RELN: variants seen among roughly 807,000 people sequenced by gnomAD.
The protein encoded by RELN is reelin.
RELN carries 108 observed loss-of-function variants against 427.6 expected under a neutral mutation model. The observed-to-expected ratio is 0.25, with a 90% CI of 0.22 to 0.30. The LOEUF (loss-of-function observed/expected upper bound fraction) is 0.30. Among genes scored for constraint, RELN ranks in the 10% least tolerant of loss-of-function variants. The pLI is 1.00. For synonymous variants in RELN, 1,524 were observed against 1,513.4 expected, an observed-to-expected ratio of 1.01 and a Z score of -0.16; for missense variants, 3,715 against 4,302.8, an observed-to-expected ratio of 0.86 and a Z score of 3.82.
intron 28 of RELN, among the ~76,000 whole-genome samples, chr7:103,584,262 C>A (rs1271913800): frequency 6.6e-6 from 1 of 152,194 alleles, no homozygotes; most frequent in Non-Finnish European, 1.5e-5. Flanking sequence ...TAGGAAGGTA[C>A]AGACTGGCAG....
At chr7:103,772,392 A>G (rs1791591848) in intron 4 of RELN, among the ~76,000 whole-genome samples, 2 of 152,236 alleles carry the variant, frequency 1.3e-5, no homozygotes, top group Admixed American at 1.3e-4. Flanking sequence ...CCTCATCTTC[A>G]AAGTGTAGAT....
At chr7:103,732,078 A>G (rs886605201) in intron 6 of RELN, among the ~76,000 whole-genome samples, 2 of 152,108 alleles carry the variant, frequency 1.3e-5, no homozygotes, top group Non-Finnish European at 2.9e-5. Context: ...AGGGCTTGGA[A>G]ACTGCCTGCT....
intron 11 of RELN, among the ~76,000 whole-genome samples, chr7:103,674,721 C>G (rs549596728): frequency 2.0e-5 from 3 of 152,216 alleles, no homozygotes; most frequent in East Asian, 1.9e-4. Flanking sequence ...GGGATGCAAG[C>G]CTGGTTCAAC....
rs542165233 is a variant in RELN at position 103,867,797 on chromosome 7, A to T, written c.338-34125T>A. ...GGATATACTCTTTATTTCATTTTAC[A>T]GAATAGTAAGAGAGAAAAAAAATGA... is the stretch of plus-strand genomic sequence containing the variant. On this transcript the variant is annotated intron_variant, in intron 2 of 64. Coordinates refer to ENST00000428762, the MANE Select transcript of RELN (RefSeq NM_005045.4). Among the ~76,000 whole-genome samples the T allele has an allele frequency of 3.3e-5, 5 of 152,158 alleles. No individual in the cohort carries two copies. In the South Asian group the frequency reaches 1.0e-3, roughly 32 times the overall value.
intron 11 of RELN, among the ~76,000 whole-genome samples, chr7:103,679,808 T>G (rs1205767006): frequency 2.0e-5 from 3 of 152,188 alleles, no homozygotes; most frequent in Non-Finnish European, 2.9e-5. Context: ...GAATATATAA[T>G]TTTTGCCAGC....
At chr7:103,877,993 T>C (rs71558657) in intron 2 of RELN, among the ~76,000 whole-genome samples, 22,157 of 151,912 alleles carry the variant, frequency 0.15, 1,891 homozygotes, top group East Asian at 0.34. Flanking sequence ...ATGGCTGGGA[T>C]TACAGGCATG....
At chr7:103,478,586 A>T in intron 63 of RELN, 192 bp from the exon 64 acceptor site, 1 of 601,084 alleles carries the variant, frequency 1.7e-6, no homozygotes, top group Non-Finnish European at 3.0e-6. Context: ...ATCTACATAT[A>T]CTTTTCTATG....
intron 4 of RELN, among the ~76,000 whole-genome samples, chr7:103,760,396 T>A (rs1343639087): frequency 3.3e-5 from 5 of 152,170 alleles, no homozygotes; most frequent in Non-Finnish European, 7.4e-5. Flanking sequence ...CCCCAAAGGT[T>A]ATTTTCTTGA....
intron 1 of RELN, among the ~76,000 whole-genome samples, chr7:103,972,189 G>A (rs554255134): frequency 1.3e-5 from 2 of 152,340 alleles, no homozygotes; most frequent in Admixed American, 6.5e-5. Context: ...TCCATATACT[G>A]TAATACTAAA....
In RELN at chr7:103,522,267, T is replaced by G. The variant is rs949663931; in HGVS notation, c.7491-68A>C. 4.1e-6 allele frequency: 6 copies of G among 1,454,296 alleles called. No homozygotes were observed. The African/African-American group carries it at 7.0e-5, about 17-fold the overall frequency. The allele number at this position is 1,454,296 out of a possible 1,614,324, so 90.1% of individuals were successfully genotyped here. ...AGCCCCTGCAAGCTTGTTCTCAAAT[T>G]AGTGAAGACTACTCTTTTCCTAGTC... On this transcript the variant is annotated intron_variant, in intron 47 of 64. Coordinates refer to ENST00000428762, the MANE Select transcript of RELN (RefSeq NM_005045.4).
intron 50 of RELN, 146 bp from the exon 51 acceptor site, chr7:103,511,151 C>T: frequency 1.5e-6 from 1 of 675,326 alleles, no homozygotes. Flanking sequence ...AATATAAATA[C>T]ATTGTTTCAG....
intron 8 of RELN, among the ~76,000 whole-genome samples, chr7:103,705,778 C>T (rs1284981378): frequency 6.6e-6 from 1 of 152,296 alleles, no homozygotes; most frequent in Admixed American, 6.5e-5. Context: ...AAGTCACTTA[C>T]GCTTTCTGTG....
chr7:103,681,263 G>A (rs1040260995), intron 11 of RELN, among the ~76,000 whole-genome samples: 2 of 152,116 alleles, frequency 1.3e-5, no homozygotes, highest in Admixed American at 1.3e-4. Flanking sequence ...CAGGGACTTC[G>A]AAGTTTAATC....
At chr7:103,810,585 C>T (rs1792715946) in intron 3 of RELN, among the ~76,000 whole-genome samples, 1 of 152,132 alleles carries the variant, frequency 6.6e-6, no homozygotes, top group Non-Finnish European at 1.5e-5. Flanking sequence ...ACAAGGCGCG[C>T]CAACCTGGCA....
intron 8 of RELN, among the ~76,000 whole-genome samples, chr7:103,717,334 T>C (rs1789963516): frequency 6.7e-6 from 1 of 149,812 alleles, no homozygotes; most frequent in Admixed American, 6.7e-5. Context: ...TATATATATA[T>C]ATTTCATTTA....
At chr7:103,526,234 T>C (rs2117100377) in intron 46 of RELN, among the ~76,000 whole-genome samples, 1 of 152,342 alleles carries the variant, frequency 6.6e-6, no homozygotes, top group South Asian at 2.1e-4. Context: ...CCAGATGCAT[T>C]GTTGGAGTTG....
chr7:103,884,476 A>G (rs1347540549), intron 2 of RELN, among the ~76,000 whole-genome samples: 1 of 152,220 alleles, frequency 6.6e-6, no homozygotes, highest in Non-Finnish European at 1.5e-5. Flanking sequence ...AAAAGAAACT[A>G]TCATCAGAGT....
At chr7:103,653,781 A>T (rs1832970987) in intron 13 of RELN, among the ~76,000 whole-genome samples, 2 of 152,020 alleles carry the variant, frequency 1.3e-5, no homozygotes, top group South Asian at 2.1e-4. Flanking sequence ...CAGCAAGTGC[A>T]TGAGGGGGCA....
chr7:103,742,056 T>C (rs1562984555), intron 6 of RELN, among the ~76,000 whole-genome samples: 1 of 152,062 alleles, frequency 6.6e-6, no homozygotes, highest in Non-Finnish European at 1.5e-5. Flanking sequence ...CAGGTACTCC[T>C]CTGAGACAAA....
Sources: gnomAD v4.1 joint callset for allele counts (sites outside exome capture counted in the v4.1 genomes callset) on GRCh38, gnomAD v4.1.1 for gene constraint, MANE v1.5 for transcripts, NCBI Gene and HGNC (gene_info 2026-07-23, HGNC 2026-07-21) for gene names.